The following PARD3B variants were observed in gnomAD, a reference collection of about 807,000 sequenced individuals.
PARD3B encodes partitioning defective 3 homolog B.
A neutral mutation model predicts 130.2 loss-of-function variants in PARD3B; 103 were observed. The ratio of observed to expected loss-of-function variants is 0.79; its 90% CI spans 0.67 to 0.93. PARD3B has a LOEUF of 0.93. PARD3B is among the 40% of genes least tolerant of loss of function. The pLI is 0.00. For missense variants in PARD3B, 1,609 were observed against 1,499.2 expected (o/e 1.07, Z -1.21); for synonymous variants, 583 against 553.2 (o/e 1.05, Z -0.76).
intron 16 of PARD3B, among the ~76,000 whole-genome samples, chr2:205,259,497 T>G (rs2040218969): frequency 6.6e-6 from 1 of 152,160 alleles, no homozygotes; most frequent in African/African-American, 2.4e-5. Flanking sequence ...TAAATTCTCT[T>G]TGTCCTTGAC....
chr2:205,615,434 GT>G, intron 22 of PARD3B, 21 bp from the exon 23 acceptor site: 1 of 1,556,746 alleles, frequency 6.4e-7, no homozygotes. Flanking sequence ...CTGCTAACAT[GT>G]GTCTCTTCTT....
At chr2:205,565,957 T>A (rs1164917047) in intron 22 of PARD3B, among the ~76,000 whole-genome samples, 2 of 146,238 alleles carry the variant, frequency 1.4e-5, no homozygotes, top group Non-Finnish European at 3.0e-5. Context: ...GAAAATAGAA[T>A]GTGAAATTGC....
chr2:205,002,369 A>G (rs1321740281), intron 3 of PARD3B, among the ~76,000 whole-genome samples: 2 of 152,164 alleles, frequency 1.3e-5, no homozygotes, highest in Admixed American at 6.5e-5. Context: ...GCTTTCCTTA[A>G]TATTTCTTTA....
Position 204,836,250 on chromosome 2 carries a change from A to AT in PARD3B, c.223-128894dup, listed in dbSNP as rs913096857. On this transcript the variant is annotated intron_variant, in intron 2 of 22. Coordinates refer to ENST00000406610, the MANE Select transcript of PARD3B (RefSeq NM_001302769.2). Reference sequence around the variant, plus strand: ...TCATTCTATAATGTTTTACAGGAGAATTTTTTTTATCTCAGAAATAAGAAT... The same window carrying AT: ...TCATTCTATAATGTTTTACAGGAGAATTTTTTTTTATCTCAGAAATAAGAAT... Among the ~76,000 whole-genome samples the AT allele has an allele frequency of 1.9e-4, 29 of 152,210 alleles. 1 individual carries two copies. The highest frequency in any genetic ancestry group is 1.5e-3 in the South Asian group (7 of 4,816).
Position 204,610,429 on chromosome 2 carries a change from T to C in PARD3B, c.120+64310T>C, listed in dbSNP as rs965180137. The stretch of plus-strand genomic sequence containing the variant: ...GGAGGGCAGTGGCACGGTCTTGGCT[T>C]ACTGCAACCTCGACCTCCCATGTTA... On this transcript the variant is annotated intron_variant, in intron 1 of 22. Coordinates refer to ENST00000406610, the MANE Select transcript of PARD3B (RefSeq NM_001302769.2). This position sits in a 1 kb window ranked among gnomAD's most constrained non-coding sequence, Gnocchi z 4.1. 6.6e-6 allele frequency among the ~76,000 whole-genome samples: 1 copy of C among 152,172 alleles called. No individual in the cohort carries two copies. The highest frequency in any genetic ancestry group is 1.5e-5 in the Non-Finnish European group (1 of 68,024).
At chr2:204,615,513 T>A (rs2034077337) in intron 1 of PARD3B, among the ~76,000 whole-genome samples, 1 of 152,158 alleles carries the variant, frequency 6.6e-6, no homozygotes, top group Admixed American at 6.6e-5. Context: ...ATCAGTCTCA[T>A]CAGAAAAATC....
At chr2:204,730,674 AG>A (rs935381356) in intron 2 of PARD3B, among the ~76,000 whole-genome samples, 5 of 152,182 alleles carry the variant, frequency 3.3e-5, no homozygotes, top group African/African-American at 9.6e-5. Context: ...CGGAGAATAA[AG>A]GATGCAATCG....
intron 2 of PARD3B, among the ~76,000 whole-genome samples, chr2:204,730,580 A>C (rs1372180949): frequency 3.7e-5 from 5 of 134,202 alleles, no homozygotes; most frequent in Non-Finnish European, 6.2e-5. Flanking sequence ...GGGTAAAAAA[A>C]AAAAGAAAAA....
At chr2:204,612,348 A>G (rs1199399499) in intron 1 of PARD3B, among the ~76,000 whole-genome samples, 2 of 152,358 alleles carry the variant, frequency 1.3e-5, no homozygotes, top group East Asian at 1.9e-4. Context: ...CCCAAGGAGT[A>G]TAGACCTGTA....
At chr2:205,607,814 C>G (rs1424576552) in intron 22 of PARD3B, among the ~76,000 whole-genome samples, 1 of 146,392 alleles carries the variant, frequency 6.8e-6, no homozygotes, top group Non-Finnish European at 1.5e-5. Flanking sequence ...CATGGAGGCC[C>G]TCTCCCCCAA....
intron 22 of PARD3B, among the ~76,000 whole-genome samples, chr2:205,571,310 A>AT (rs1180953567): frequency 1.3e-5 from 2 of 152,136 alleles, no homozygotes; most frequent in Non-Finnish European, 2.9e-5. Context: ...TGCATGTGAA[A>AT]TTTTTTTTAC....
intron 2 of PARD3B, among the ~76,000 whole-genome samples, chr2:204,914,073 C>T (rs2047350314): frequency 1.3e-5 from 2 of 152,164 alleles, no homozygotes; most frequent in African/African-American, 2.4e-5. Flanking sequence ...TCCAACTGGC[C>T]TGCACGCTGG....
intron 18 of PARD3B, among the ~76,000 whole-genome samples, chr2:205,380,925 A>ATATATAAAGAATATAT (rs1281921442): frequency 9.9e-6 from 1 of 100,936 alleles, no homozygotes; most frequent in African/African-American, 4.5e-5. Flanking sequence ...AATATATATA[A>ATATATAAAGAATATAT]TATATAAAGA....
chr2:205,321,475 T>G lies in PARD3B; in HGVS notation c.2630+19774T>G, dbSNP rs1196501581. ...CTCTTTCTCTCTCTTCCTCTCTCTC[T>G]TTCCCTCTCTCTCTCTCTCCCCCCG... is the stretch of plus-strand genomic sequence containing the variant. On this transcript the variant is annotated intron_variant, in intron 18 of 22. Coordinates refer to ENST00000406610, the MANE Select transcript of PARD3B (RefSeq NM_001302769.2). The surrounding 1 kb of genome is among the most constrained non-coding windows in gnomAD (Gnocchi z 4.2). 6.6e-6 allele frequency among the ~76,000 whole-genome samples: 1 copy of G among 151,946 alleles called. No individual in the cohort carries two copies. Among genetic ancestry groups the G allele is most frequent in the Non-Finnish European group, 1.5e-5 (1 of 67,950 alleles).
At chr2:204,546,710 G>A (rs931719574) in intron 1 of PARD3B, among the ~76,000 whole-genome samples, 1 of 152,166 alleles carries the variant, frequency 6.6e-6, no homozygotes, top group Non-Finnish European at 1.5e-5. Context: ...TACATTTTGA[G>A]TGTTTTCAGT....
rs75204994 is a variant in PARD3B, at chr2:205,407,244, C to T, written c.2741+6121C>T. Among the ~76,000 whole-genome samples the T allele has an allele frequency of 0.029, 4,352 of 152,182 alleles. 194 individuals carry two copies. The highest frequency in any genetic ancestry group is 0.098 in the African/African-American group (4,079 of 41,502). ...TTTCTCAGCTTATGATGTGTCACCT[C>T]CTGTTACAAGTCAAACAGTCTATTG... On this transcript the variant is annotated intron_variant, in intron 19 of 22. Transcript: ENST00000406610. This position sits in a 1 kb window ranked among gnomAD's most constrained non-coding sequence, Gnocchi z 4.1.
intron 4 of PARD3B, among the ~76,000 whole-genome samples, chr2:205,102,904 A>T (rs938140188): frequency 1.3e-5 from 2 of 151,860 alleles, no homozygotes; most frequent in African/African-American, 2.4e-5. Context: ...CTCTACTAAA[A>T]ATACAAAAGC....
At chr2:205,357,426 A>T (rs2044235079) in intron 18 of PARD3B, among the ~76,000 whole-genome samples, 1 of 152,216 alleles carries the variant, frequency 6.6e-6, no homozygotes, top group African/African-American at 2.4e-5. Flanking sequence ...TTAAGAACCC[A>T]AAGTCTATGC....
chr2:204,877,253 G>A (rs1334512699), intron 2 of PARD3B, among the ~76,000 whole-genome samples: 1 of 152,066 alleles, frequency 6.6e-6, no homozygotes, highest in Non-Finnish European at 1.5e-5. Context: ...GTTGTGGGGT[G>A]GGGGTAGAGG....
Sources: gnomAD v4.1 joint callset for allele counts (sites outside exome capture counted in the v4.1 genomes callset) on GRCh38, gnomAD v4.1.1 for gene constraint, Gnocchi (gnomAD v3.1) non-coding constraint, MANE v1.5 for transcripts, NCBI Gene and HGNC (gene_info 2026-07-23, HGNC 2026-07-21) for gene names.